CTNNA2: variants seen among roughly 807,000 people sequenced by gnomAD.
The protein encoded by CTNNA2 is catenin alpha 2.
A neutral mutation model predicts 101.0 loss-of-function variants in CTNNA2; 42 were observed. The observed-to-expected ratio is 0.42, with a 90% confidence interval of 0.32 to 0.54. The LOEUF is 0.54. CTNNA2 is among the 20% of genes least tolerant of loss of function. CTNNA2 has a pLI of 0.14. For synonymous variants in CTNNA2, 450 were observed against 456.4 expected, an observed-to-expected ratio of 0.99 and a Z score of 0.18; for missense variants, 871 against 1,223.1, an observed-to-expected ratio of 0.71 and a Z score of 4.29.
intron 3 of CTNNA2, among the ~76,000 whole-genome samples, chr2:79,769,148 C>T (rs1018685519): frequency 2.0e-5 from 3 of 152,186 alleles, no homozygotes; most frequent in Non-Finnish European, 2.9e-5. Context: ...AGCCACTGTG[C>T]TCGGCCTGTG....
intron 7 of CTNNA2, among the ~76,000 whole-genome samples, chr2:80,347,428 G>T (rs1316918929): frequency 6.6e-6 from 1 of 152,204 alleles, no homozygotes; most frequent in Non-Finnish European, 1.5e-5. Flanking sequence ...TTAGCAGAGT[G>T]CCTGTGTATT....
intron 7 of CTNNA2, among the ~76,000 whole-genome samples, chr2:79,914,374 G>A (rs1686037787): frequency 6.6e-6 from 1 of 152,078 alleles, no homozygotes; most frequent in African/African-American, 2.4e-5. Flanking sequence ...ATGCAGAACT[G>A]TAAGGAGAAA....
chr2:79,930,730 C>T (rs1363566719), intron 7 of CTNNA2, among the ~76,000 whole-genome samples: 1 of 152,176 alleles, frequency 6.6e-6, no homozygotes, highest in Non-Finnish European at 1.5e-5. Flanking sequence ...TGAAGTCATT[C>T]CTAATGTGAG....
chr2:79,384,382 CT>C (rs1678074109), intron 4 of CTNNA2, among the ~76,000 whole-genome samples: 1 of 7,172 alleles, frequency 1.4e-4, no homozygotes, highest in Non-Finnish European at 3.1e-4. Context: ...TTTCTTCTCT[CT>C]CTCTCTCTCT....
At chr2:79,715,945 A>G (rs1426631202) in intron 2 of CTNNA2, among the ~76,000 whole-genome samples, 3 of 152,198 alleles carry the variant, frequency 2.0e-5, no homozygotes, top group African/African-American at 7.2e-5. Context: ...GACAAAGTGC[A>G]ATCACGATTT....
chr2:79,400,127 CATAA>C (rs1307864104), intron 4 of CTNNA2, among the ~76,000 whole-genome samples: 2 of 151,984 alleles, frequency 1.3e-5, no homozygotes, highest in Non-Finnish European at 2.9e-5. Context: ...TCTTCCAGGT[CATAA>C]ATAGATAAGA....
chr2:80,160,880 T>C (rs1558863483), intron 7 of CTNNA2, among the ~76,000 whole-genome samples: 1 of 151,960 alleles, frequency 6.6e-6, no homozygotes, highest in Non-Finnish European at 1.5e-5. Context: ...GCATTAACTA[T>C]AATGTTGACT....
At chr2:80,446,791 T>C (rs1027106049) in intron 9 of CTNNA2, among the ~76,000 whole-genome samples, 5 of 152,220 alleles carry the variant, frequency 3.3e-5, no homozygotes, top group Non-Finnish European at 7.3e-5. Flanking sequence ...AATCTAGTAG[T>C]GTAGAAAACT....
At chr2:80,040,740 T>G (rs1205707887) in intron 7 of CTNNA2, among the ~76,000 whole-genome samples, 1 of 152,186 alleles carries the variant, frequency 6.6e-6, no homozygotes, top group Non-Finnish European at 1.5e-5. Flanking sequence ...TTCCCTAGGC[T>G]ACGAAGATTT....
chr2:79,493,366 C>G (rs1430981908), intron 4 of CTNNA2, among the ~76,000 whole-genome samples: 1 of 152,092 alleles, frequency 6.6e-6, no homozygotes, highest in Non-Finnish European at 1.5e-5. Context: ...GCCTGTAATC[C>G]CAGCACTTTG....
intron 7 of CTNNA2, among the ~76,000 whole-genome samples, chr2:80,172,477 C>T (rs933998431): frequency 6.6e-6 from 1 of 152,152 alleles, no homozygotes; most frequent in African/African-American, 2.4e-5. Flanking sequence ...ACTCACTCCT[C>T]ATTCCACTCA....
At chr2:80,219,876 C>G (rs1486522622) in intron 7 of CTNNA2, among the ~76,000 whole-genome samples, 1 of 152,146 alleles carries the variant, frequency 6.6e-6, no homozygotes, top group East Asian at 1.9e-4. Context: ...CTCTATGCAA[C>G]TTTATGTTTA....
chr2:79,748,881 G>C (rs1671816692), intron 3 of CTNNA2, among the ~76,000 whole-genome samples: 1 of 152,060 alleles, frequency 6.6e-6, no homozygotes, highest in Non-Finnish European at 1.5e-5. Context: ...AGTAGGTGTT[G>C]TGCTGAACCC....
intron 7 of CTNNA2, among the ~76,000 whole-genome samples, chr2:80,309,323 C>T (rs1042515457): frequency 6.6e-6 from 1 of 152,138 alleles, no homozygotes; most frequent in Non-Finnish European, 1.5e-5. Flanking sequence ...TCTATGATTT[C>T]TTAACTGACT....
chr2:79,873,728 A>G (rs1301405149), intron 5 of CTNNA2, among the ~76,000 whole-genome samples: 1 of 148,144 alleles, frequency 6.8e-6, no homozygotes, highest in African/African-American at 2.5e-5. Context: ...GCCAGACCCC[A>G]CTTCCACAAC....
At chr2:80,313,585 C>G (rs760522241) in intron 7 of CTNNA2, 1 of 1,611,146 alleles carries the variant, frequency 6.2e-7, no homozygotes, top group Non-Finnish European at 8.5e-7. Flanking sequence ...GAAGGCCACT[C>G]CAGTCAGTAG....
chr2:79,856,852 C>T (rs1011782027), intron 3 of CTNNA2, among the ~76,000 whole-genome samples: 1 of 152,184 alleles, frequency 6.6e-6, no homozygotes, highest in Non-Finnish European at 1.5e-5. Context: ...CAGGCTCTCA[C>T]CACTGCTCTC....
intron 7 of CTNNA2, among the ~76,000 whole-genome samples, chr2:80,248,103 C>T (rs145668470): frequency 6.6e-6 from 1 of 151,322 alleles, no homozygotes; most frequent in East Asian, 1.9e-4. Context: ...TGTGCCCTAT[C>T]TCTTTGAGGT....
At chr2:79,404,385 T>C (rs1281721357) in intron 4 of CTNNA2, among the ~76,000 whole-genome samples, 4 of 152,186 alleles carry the variant, frequency 2.6e-5, no homozygotes. Flanking sequence ...CCAAGCCAAC[T>C]CTAGCAGCCT....
Sources: allele counts gnomAD v4.1 joint callset (sites outside exome capture counted in the v4.1 genomes callset), GRCh38; gene constraint gnomAD v4.1.1; transcripts MANE v1.5; gene names NCBI Gene and HGNC (gene_info 2026-07-23, HGNC 2026-07-21).